MAGI3: variants seen among roughly 807,000 people sequenced by gnomAD.
The protein encoded by MAGI3 is membrane-associated guanylate kinase, WW and PDZ domain-containing protein 3.
Under a neutral mutation model 121.8 loss-of-function variants are expected in MAGI3, and 43 were observed. That is an observed-to-expected ratio of 0.35 (90% confidence interval 0.28 to 0.46). The LOEUF (loss-of-function observed/expected upper bound fraction) is 0.46. Ranked by LOEUF, MAGI3 falls within the 20% of genes least tolerant of loss-of-function variation. MAGI3 has a pLI of 1.00. For synonymous variants in MAGI3, 553 were observed against 639.3 expected, an observed-to-expected ratio of 0.86 and a Z score of 2.04; for missense variants, 1,547 against 1,797.3, an observed-to-expected ratio of 0.86 and a Z score of 2.52.
intron 1 of MAGI3, among the ~76,000 whole-genome samples, chr1:113,527,111 T>G (rs1469795285): frequency 1.3e-5 from 2 of 152,184 alleles, no homozygotes; most frequent in African/African-American, 4.8e-5. Flanking sequence ...CTATAATAGT[T>G]ATTGTTGCAA....
intron 9 of MAGI3, among the ~76,000 whole-genome samples, chr1:113,639,637 G>A (rs1318381711): frequency 2.0e-5 from 3 of 151,974 alleles, no homozygotes; most frequent in East Asian, 1.9e-4. Context: ...CTGCGACCTC[G>A]GCTTACTGCA....
intron 3 of MAGI3, 36 bp from the exon 4 acceptor site, chr1:113,585,351 C>A (rs1317650865): frequency 6.3e-7 from 1 of 1,588,068 alleles, no homozygotes; most frequent in East Asian, 2.2e-5. Context: ...CTCACTGCAA[C>A]ATTAGTAATT....
chr1:113,623,404 T>C (rs1179318822), intron 9 of MAGI3, among the ~76,000 whole-genome samples: 2 of 151,424 alleles, frequency 1.3e-5, no homozygotes, highest in African/African-American at 4.9e-5. Flanking sequence ...TCTAGCTATA[T>C]ATATATATAC....
intron 2 of MAGI3, among the ~76,000 whole-genome samples, chr1:113,554,524 A>G (rs1344036498): frequency 6.6e-6 from 1 of 152,030 alleles, no homozygotes; most frequent in Non-Finnish European, 1.5e-5. Context: ...TACCAGTACC[A>G]TAACTAGTAC....
chr1:113,449,596 TCCCAATAGA>T, intron 1 of MAGI3: 3 of 632,200 alleles, frequency 4.7e-6, no homozygotes, highest in Admixed American at 5.2e-5. Context: ...CATTTTTTTT[TCCCAATAGA>T]TTGAGTTTAT....
Position 113,440,068 on chromosome 1 carries a change from G to A in MAGI3, c.316+48719G>A, listed in dbSNP as rs568839639. 1.6e-3 allele frequency among the ~76,000 whole-genome samples: 248 copies of A among 152,182 alleles called. 2 individuals are homozygous for A. The highest frequency in any genetic ancestry group is 2.7e-3 in the Non-Finnish European group (187 of 68,008). On this transcript the variant is annotated intron_variant, in intron 1 of 20. Transcript: ENST00000307546. ...ACTAATGTTGACAAGTGTCTTAATC[G>A]CTATAAATCTCTGTTTCCCCCCTTT...
chr1:113,573,606 T>G (rs1647442608), intron 2 of MAGI3, among the ~76,000 whole-genome samples: 2 of 152,222 alleles, frequency 1.3e-5, no homozygotes, highest in South Asian at 4.1e-4. Context: ...AGGAGTGTTT[T>G]ATTTCCAATT....
chr1:113,485,077 G>C (rs1018573199), intron 1 of MAGI3, among the ~76,000 whole-genome samples: 2 of 152,002 alleles, frequency 1.3e-5, no homozygotes, highest in Non-Finnish European at 2.9e-5. Flanking sequence ...ATGGGCATTT[G>C]GGCTGGTTCC....
Position 113,684,115 on chromosome 1 carries a change from T to C in MAGI3, c.*101T>C. 2 of 1,297,020 alleles carry C rather than the reference T, an allele frequency of 1.5e-6. No individual in the cohort carries two copies. Among genetic ancestry groups the C allele is most frequent in the Non-Finnish European group, 2.1e-6 (2 of 969,564 alleles). The allele number at this position is 1,297,020 out of a possible 1,614,324, so 80.3% of individuals were successfully genotyped here. On this transcript the variant is annotated 3_prime_UTR_variant, in exon 21 of 21. Coordinates refer to ENST00000307546, the MANE Select transcript of MAGI3 (RefSeq NM_001142782.2). ...TTTTTTTCAGATATTCTGAAACAGA[T>C]AAGTACATGTTAATGTGAGCCTCAA...
chr1:113,642,271 C>T lies in MAGI3; in HGVS notation c.1721C>T (p.Pro574Leu), dbSNP rs745894306. 13 of 1,614,178 alleles carry T rather than the reference C, an allele frequency of 8.1e-6. No homozygotes were observed. Among genetic ancestry groups the T allele is most frequent in the Non-Finnish European group, 1.0e-5 (12 of 1,180,036 alleles). The change falls in exon 10 of 21, where the codon CCT becomes CTT. Residue 574 changes from proline (P) to leucine (L), a missense_variant. Coordinates refer to ENST00000307546, the MANE Select transcript of MAGI3 (RefSeq NM_001142782.2). ...ATGGCATCGTCAGGCAGCTCCCAGCCTGAACTAGTGACTATCCCTTTGATT... is the reference window on the plus strand; with the variant it reads ...ATGGCATCGTCAGGCAGCTCCCAGCTTGAACTAGTGACTATCCCTTTGATT... ...VSMASSGSSQ[P>L]ELVTIPLIKG...
intron 7 of MAGI3, among the ~76,000 whole-genome samples, chr1:113,616,293 G>A (rs557283960): frequency 6.6e-6 from 1 of 152,336 alleles, no homozygotes; most frequent in South Asian, 2.1e-4. Flanking sequence ...GGAGGGTTTT[G>A]TATTAGACTA....
At chr1:113,561,884 G>C (rs1660251708) in intron 2 of MAGI3, among the ~76,000 whole-genome samples, 1 of 152,168 alleles carries the variant, frequency 6.6e-6, no homozygotes, top group African/African-American at 2.4e-5. Flanking sequence ...CTGCCCAAAA[G>C]CTTCTTAAAC....
At chr1:113,511,199 C>G (rs1325042150) in intron 1 of MAGI3, among the ~76,000 whole-genome samples, 1 of 152,074 alleles carries the variant, frequency 6.6e-6, no homozygotes, top group South Asian at 2.1e-4. Context: ...ACCTTTTTCC[C>G]CTATCACATT....
At chr1:113,417,191 C>G (rs899917707) in intron 1 of MAGI3, among the ~76,000 whole-genome samples, 1 of 151,898 alleles carries the variant, frequency 6.6e-6, no homozygotes, top group Non-Finnish European at 1.5e-5. Context: ...TGTATAGAGT[C>G]ATATAATCAC....
chr1:113,538,490 T>C (rs1212561705), intron 1 of MAGI3, among the ~76,000 whole-genome samples: 1 of 152,170 alleles, frequency 6.6e-6, no homozygotes, highest in Non-Finnish European at 1.5e-5. Flanking sequence ...GATGTGAGCG[T>C]CACAAAGAAA....
chr1:113,495,358 C>A (rs79287590), intron 1 of MAGI3, among the ~76,000 whole-genome samples: 4 of 143,944 alleles, frequency 2.8e-5, no homozygotes, highest in Non-Finnish European at 6.1e-5. Flanking sequence ...TGAAGTACCT[C>A]TTTTTTTTTT....
intron 3 of MAGI3, among the ~76,000 whole-genome samples, chr1:113,584,966 C>CAATTTTTTTTTTTTTT (rs61622151): frequency 1.8e-5 from 2 of 110,730 alleles, no homozygotes; most frequent in African/African-American, 3.7e-5. Flanking sequence ...GTAGATATTT[C>CAATTTTTTTTTTTTTT]CTTTTTTTTT....
intron 1 of MAGI3, among the ~76,000 whole-genome samples, chr1:113,449,149 CA>C (rs1654334995): frequency 2.0e-5 from 3 of 150,876 alleles, no homozygotes; most frequent in African/African-American, 4.9e-5. Context: ...TTTGCAATAT[CA>C]GGGGGCAATA....
intron 7 of MAGI3, among the ~76,000 whole-genome samples, chr1:113,619,280 G>C (rs1365364059): frequency 3.3e-5 from 5 of 152,132 alleles, no homozygotes; most frequent in Non-Finnish European, 7.3e-5. Context: ...TGAGTCAGTG[G>C]AAAAGTAATA....
Sources: gnomAD v4.1 joint callset for allele counts (sites outside exome capture counted in the v4.1 genomes callset) on GRCh38, gnomAD v4.1.1 for gene constraint, MANE v1.5 for transcripts, NCBI Gene and HGNC (gene_info 2026-07-23, HGNC 2026-07-21) for gene names.